PPP1R21: variants seen among roughly 807,000 people sequenced by gnomAD.
PPP1R21 encodes the protein KLRAQ motif containing 1.
A neutral mutation model predicts 112.8 loss-of-function variants in PPP1R21; 85 were observed. The observed-to-expected ratio is 0.75, with a 90% confidence interval of 0.63 to 0.90. The LOEUF (loss-of-function observed/expected upper bound fraction) is 0.90. Among genes scored for constraint, PPP1R21 ranks in the 40% least tolerant of loss-of-function variants. The pLI, the probability that PPP1R21 is intolerant of heterozygous loss-of-function variation, is 0.00. For synonymous variants in PPP1R21, 381 were observed against 322.3 expected (o/e 1.18, Z -1.95); for missense variants, 1,199 against 901.5 (o/e 1.33, Z -4.23).
chr2:48,491,208 C>T, intron 15 of PPP1R21, 38 bp downstream of exon 15: 1 of 1,589,084 alleles, frequency 6.3e-7, no homozygotes, highest in Non-Finnish European at 8.6e-7. Context: ...TCAGAGGAAA[C>T]ATCAGGAGTC....
chr2:48,469,335 CATATATATATATAGCA>C (rs1668363763), intron 9 of PPP1R21, among the ~76,000 whole-genome samples: 1 of 14,476 alleles, frequency 6.9e-5, no homozygotes, highest in Non-Finnish European at 1.1e-4. Flanking sequence ...ATATATAGAG[CATATATATATATAGCA>C]TATATATATA....
At position 48,479,313 on chromosome 2, in the gene PPP1R21, C is replaced by T. The variant is rs188153123; in HGVS notation, c.1226-611C>T. ...GCTATACCTATTGGGAATGGAATTT[C>T]TGTCTCCCTGAGCTGTGGGAGGGAG... On this transcript the variant is annotated intron_variant, in intron 12 of 21. Transcript: ENST00000294952. Among the ~76,000 whole-genome samples the T allele has an allele frequency of 2.0e-3, 308 of 152,338 alleles. 2 individuals are homozygous for T. The highest frequency in any genetic ancestry group is 7.1e-3 in the African/African-American group (294 of 41,580).
intron 11 of PPP1R21, among the ~76,000 whole-genome samples, chr2:48,474,008 T>G (rs1668634759): frequency 6.6e-6 from 1 of 152,224 alleles, no homozygotes; most frequent in African/African-American, 2.4e-5. Context: ...TACCAGTTCC[T>G]GTTTAATTCA....
chr2:48,454,954 C>T (rs1667654078), intron 3 of PPP1R21, among the ~76,000 whole-genome samples: 2 of 152,120 alleles, frequency 1.3e-5, no homozygotes, highest in Non-Finnish European at 2.9e-5. Context: ...CCTCCCACCT[C>T]CGCCCCCAGA....
chr2:48,508,422 A>G (rs1037217581), intron 19 of PPP1R21, among the ~76,000 whole-genome samples: 1 of 152,210 alleles, frequency 6.6e-6, no homozygotes, highest in Non-Finnish European at 1.5e-5. Flanking sequence ...CTAAAAGTGA[A>G]GAGGGGCTTT....
chr2:48,483,262 A>C (rs1411381214), intron 13 of PPP1R21, among the ~76,000 whole-genome samples: 2 of 131,238 alleles, frequency 1.5e-5, no homozygotes, highest in East Asian at 2.2e-4. Context: ...GTGCAGTGCA[A>C]CCTTTCCCTC....
intron 14 of PPP1R21, 126 bp downstream of exon 14, chr2:48,486,884 T>A: frequency 9.6e-7 from 1 of 1,037,088 alleles, no homozygotes; most frequent in South Asian, 1.7e-5. Context: ...AATAAAGTTG[T>A]CTCTCTTTCC....
chr2:48,472,836 A>G (rs1246360201), intron 11 of PPP1R21, among the ~76,000 whole-genome samples: 2 of 151,690 alleles, frequency 1.3e-5, no homozygotes, highest in Non-Finnish European at 2.9e-5. Flanking sequence ...CTGTAGTCCT[A>G]GCTACTTAGG....
chr2:48,440,883 T>A lies in PPP1R21; in HGVS notation c.-71T>A, dbSNP rs1666988302. ...ACTGCCTGACCCGTTCCCGGGAGCG[T>A]GTCTGGGTTTGGGGGCGGGAGACAG... is the stretch of plus-strand genomic sequence containing the variant. On this transcript the variant is annotated 5_prime_UTR_variant, in exon 1 of 22. Coordinates refer to ENST00000294952, the MANE Select transcript of PPP1R21 (RefSeq NM_001135629.3). 1 of 1,033,400 alleles carries A rather than the reference T, an allele frequency of 9.7e-7. No individual in the cohort carries two copies. Among genetic ancestry groups the A allele is most frequent in the Non-Finnish European group, 1.4e-6 (1 of 697,350 alleles). 64.0% of individuals were successfully genotyped at this position (1,033,400 alleles called of 1,614,324 possible).
rs1572890900 is a variant in PPP1R21 at position 48,499,871 on chromosome 2, GA to G, written c.1935+1140del. ...TATTCTGTTCACTGTAAAAAATTAGGAAAATCTAGAAAAAGAAATCAGGAAG... is the reference window on the plus strand; with the variant it reads ...TATTCTGTTCACTGTAAAAAATTAGGAAATCTAGAAAAAGAAATCAGGAAG... On this transcript the variant is annotated intron_variant, in intron 17 of 21. Coordinates refer to ENST00000294952, the MANE Select transcript of PPP1R21 (RefSeq NM_001135629.3). Among the ~76,000 whole-genome samples, 5 of 152,222 alleles carry G rather than the reference GA, an allele frequency of 3.3e-5. No homozygotes were observed. In the East Asian group the frequency reaches 9.6e-4, roughly 29 times the overall value.
intron 1 of PPP1R21, 34 bp downstream of exon 1, chr2:48,441,044 C>T (rs1222978868): frequency 2.7e-6 from 4 of 1,501,096 alleles, no homozygotes; most frequent in African/African-American, 1.4e-5. Flanking sequence ...GGGGGTCCCC[C>T]GCCCTGCGGC....
At chr2:48,466,401 A>G (rs1027494506) in intron 9 of PPP1R21, among the ~76,000 whole-genome samples, 1 of 148,266 alleles carries the variant, frequency 6.7e-6, no homozygotes, top group Non-Finnish European at 1.5e-5. Context: ...TTTTTTCCCT[A>G]TTTTTAGTAG....
Position 48,479,936 on chromosome 2 carries a change from A to T in PPP1R21, c.1238A>T (p.Asp413Val), listed in dbSNP as rs748019817. ...TTTGATTTCCTAGGTACAGAGCCAG[A>T]TGGACTCCTTCGGACAAACTACAGT... is the stretch of plus-strand genomic sequence containing the variant. The part of the protein sequence containing the change: ...ALLALPSTEP[D>V]GLLRTNYSSV... Residue 413 changes from aspartate to valine, a missense_variant, in exon 13 of 22, where the codon GAT (aspartate) becomes GTT (valine). Coordinates refer to ENST00000294952, the MANE Select transcript of PPP1R21 (RefSeq NM_001135629.3). 2 of 1,608,766 alleles carry T rather than the reference A, an allele frequency of 1.2e-6. No homozygotes were observed. Among genetic ancestry groups the T allele is most frequent in the Non-Finnish European group, 1.7e-6 (2 of 1,175,148 alleles).
Position 48,498,727 on chromosome 2 carries a change from A to C in PPP1R21, c.1927A>C (p.Thr643Pro). ...GGCTGTGTTGGAGCCCATTCAGAGCACCAGTCTAGTAAGTGTCTTCTTGGT... is the reference window on the plus strand; with the variant it reads ...GGCTGTGTTGGAGCCCATTCAGAGCCCCAGTCTAGTAAGTGTCTTCTTGGT... ...AKAVLEPIQS[T>P]SLIGTLTRTS... Residue 643 changes from threonine (T) to proline (P), a missense_variant, in exon 17 of 22, where the codon ACC (threonine) becomes CCC (proline). Physicochemically the swap from Thr to Pro is conservative, Grantham distance 38. Transcript: ENST00000294952. 1.2e-6 allele frequency: 2 copies of C among 1,614,140 alleles called. No homozygotes were observed. The highest frequency in any genetic ancestry group is 4.5e-5 in the East Asian group (2 of 44,882).
At chr2:48,441,949 A>C (rs1667048982) in intron 1 of PPP1R21, among the ~76,000 whole-genome samples, 1 of 152,266 alleles carries the variant, frequency 6.6e-6, no homozygotes, top group Non-Finnish European at 1.5e-5. Context: ...TTCATTCGAC[A>C]AATAGCAAGA....
chr2:48,484,417 T>G (rs1284955813), intron 13 of PPP1R21, among the ~76,000 whole-genome samples: 1 of 152,194 alleles, frequency 6.6e-6, no homozygotes, highest in Non-Finnish European at 1.5e-5. Flanking sequence ...AAATCTATGG[T>G]CTAAGTCACA....
intron 9 of PPP1R21, among the ~76,000 whole-genome samples, chr2:48,466,372 G>A (rs1668203974): frequency 6.6e-6 from 1 of 151,960 alleles, no homozygotes; most frequent in African/African-American, 2.4e-5. Flanking sequence ...CCACCACACT[G>A]GCTAATTTTT....
chr2:48,482,340 T>G (rs1669051658), intron 13 of PPP1R21, among the ~76,000 whole-genome samples: 1 of 152,174 alleles, frequency 6.6e-6, no homozygotes, highest in South Asian at 2.1e-4. Flanking sequence ...TGGGGTATCT[T>G]ATAGACAGAA....
chr2:48,474,740 A>C lies in PPP1R21; in HGVS notation c.1146A>C (p.Leu382=). The change falls in exon 12 of 22, where the codon CTA becomes CTC. Residue 382 remains leucine (L), a synonymous_variant. Coordinates refer to ENST00000294952, the MANE Select transcript of PPP1R21 (RefSeq NM_001135629.3). ...CATCTGCGTTAAGAGCCAGGAATCT[A>C]GAGCTGTCCCAGGACATGAAAAAAA... ...LCTSALRARN[L]ELSQDMKKMT... is the part of the protein sequence containing the mutation. The C allele has an allele frequency of 3.1e-6, 5 of 1,613,432 alleles. No homozygotes were observed. The highest frequency in any genetic ancestry group is 3.4e-6 in the Non-Finnish European group (4 of 1,179,564).
Sources: gnomAD v4.1 joint callset for allele counts (sites outside exome capture counted in the v4.1 genomes callset) on GRCh38, gnomAD v4.1.1 for gene constraint, MANE v1.5 for transcripts, NCBI Gene and HGNC (gene_info 2026-07-23, HGNC 2026-07-21) for gene names.